The following HAPSTR1 variants were observed in gnomAD, a reference collection of about 807,000 sequenced individuals.
The protein encoded by HAPSTR1 is HUWE1 associated protein modifying stress responses.
the HAPSTR1 span, chr16:9,092,952 C>G: frequency 6.2e-7 from 1 of 1,607,540 alleles, no homozygotes; most frequent in Admixed American, 1.7e-5. Flanking sequence ...GACTTTCTCT[C>G]TGGGTCCCCT....
the HAPSTR1 span, chr16:9,109,470 A>G: frequency 2.0e-5 from 3 of 152,330 alleles, no homozygotes; most frequent in South Asian, 6.2e-4. Context: ...CTGTTCCATA[A>G]AAGTCAGACA....
chr16:9,117,093 A>G, the HAPSTR1 span: 1 of 830,842 alleles, frequency 1.2e-6, no homozygotes, highest in Non-Finnish European at 1.8e-6. Context: ...TCTTGTAATT[A>G]TGGCTTTCTT....
the HAPSTR1 span, chr16:9,108,700 A>G: frequency 6.6e-6 from 1 of 152,172 alleles, no homozygotes; most frequent in Non-Finnish European, 1.5e-5. Context: ...CTTAAAGGTG[A>G]ATGACCAACT....
At chr16:9,109,073 T>G in the HAPSTR1 span, 1 of 152,222 alleles carries the variant, frequency 6.6e-6, no homozygotes, top group Admixed American at 6.5e-5. Flanking sequence ...CATTTTAAAT[T>G]GCAGCTATCA....
At chr16:9,118,857 T>C in the HAPSTR1 span, 1 of 152,644 alleles carries the variant, frequency 6.6e-6, no homozygotes, top group African/African-American at 2.4e-5. Context: ...TAATTCCCCT[T>C]TATGCCTTGG....
chr16:9,092,060 G>C, the HAPSTR1 span: 2 of 1,529,020 alleles, frequency 1.3e-6, no homozygotes, highest in South Asian at 1.2e-5. Context: ...GGAGCGGAAG[G>C]AGGAGGGCGA....
chr16:9,106,021 G>C, the HAPSTR1 span: 1 of 152,168 alleles, frequency 6.6e-6, no homozygotes, highest in Non-Finnish European at 1.5e-5. Flanking sequence ...CGTGTAGACA[G>C]AGTATGACAA....
the HAPSTR1 span, among the ~76,000 whole-genome samples, chr16:9,093,233 T>C: frequency 6.6e-6 from 1 of 152,084 alleles, no homozygotes; most frequent in Admixed American, 6.6e-5. Flanking sequence ...GGTTGGCTTC[T>C]CCTAGAAGGG....
At chr16:9,091,868 C>G in the HAPSTR1 span, 1 of 447,328 alleles carries the variant, frequency 2.2e-6, no homozygotes, top group African/African-American at 2.1e-5. Flanking sequence ...TTGCACGGGG[C>G]CGCGGGGCGG....
the HAPSTR1 span, chr16:9,093,062 C>T: frequency 1.4e-6 from 2 of 1,476,600 alleles, no homozygotes; most frequent in Non-Finnish European, 1.9e-6. Flanking sequence ...AGGGTGTCTG[C>T]CCTGCGTTCC....
the HAPSTR1 span, among the ~76,000 whole-genome samples, chr16:9,113,337 A>C: frequency 6.6e-6 from 1 of 152,234 alleles, no homozygotes; most frequent in African/African-American, 2.4e-5. Flanking sequence ...CACCCAGGTC[A>C]TACACCCAGT....
chr16:9,096,763 C>T, the HAPSTR1 span, among the ~76,000 whole-genome samples: 1 of 152,080 alleles, frequency 6.6e-6, no homozygotes, highest in Non-Finnish European at 1.5e-5. Flanking sequence ...CTTTTCATGC[C>T]TGTAATCCCA....
chr16:9,091,665 C>T, the HAPSTR1 span: 7 of 398,126 alleles, frequency 1.8e-5, no homozygotes, highest in African/African-American at 2.1e-5. Flanking sequence ...GGGTGGGCTC[C>T]GCGGTGCAGG....
At chr16:9,108,113 G>A in the HAPSTR1 span, 7 of 151,778 alleles carry the variant, frequency 4.6e-5, no homozygotes, top group African/African-American at 1.7e-4. Context: ...GGGACCTTAG[G>A]GTGATAACCA....
chr16:9,121,510 A>G, the HAPSTR1 span: 3 of 152,228 alleles, frequency 2.0e-5, no homozygotes, highest in Non-Finnish European at 4.4e-5. Flanking sequence ...TTTGCTTGAT[A>G]TCACGTGGGT....
the HAPSTR1 span, chr16:9,091,801 C>T: frequency 3.5e-6 from 1 of 281,770 alleles, no homozygotes; most frequent in Non-Finnish European, 6.4e-6. Context: ...ATCTGGTCCG[C>T]GGCGACCTTC....
the HAPSTR1 span, among the ~76,000 whole-genome samples, chr16:9,099,774 C>A: frequency 5.9e-5 from 9 of 152,148 alleles, no homozygotes; most frequent in Non-Finnish European, 1.3e-4. Context: ...ATGAGATTAT[C>A]CACTGTACAC....
the HAPSTR1 span, chr16:9,092,074 C>G: frequency 1.0e-5 from 16 of 1,536,188 alleles, no homozygotes; most frequent in African/African-American, 1.4e-5. Context: ...AGGGCGAGGC[C>G]GAGATCCAGG....
the HAPSTR1 span, among the ~76,000 whole-genome samples, chr16:9,113,410 C>T: frequency 2.0e-5 from 3 of 152,142 alleles, no homozygotes; most frequent in East Asian, 3.9e-4. Flanking sequence ...ATGTTTAACA[C>T]ATCTTCTTTT....
Sources: gnomAD v4.1 joint callset for allele counts (sites outside exome capture counted in the v4.1 genomes callset) on GRCh38, gnomAD v4.1.1 for gene constraint, MANE v1.5 for transcripts, NCBI Gene and HGNC (gene_info 2026-07-23, HGNC 2026-07-21) for gene names.